Variants in PITPNM2 observed in about 807,000 individuals in gnomAD.
PITPNM2 encodes the protein phosphatidylinositol transfer protein membrane associated 2.
Under a neutral mutation model 132.2 loss-of-function variants are expected in PITPNM2, and 35 were observed. That is an observed-to-expected ratio of 0.26 (90% CI 0.20 to 0.35). PITPNM2 has a LOEUF of 0.35. Among genes scored for constraint, PITPNM2 ranks in the 10% least tolerant of loss-of-function variants. PITPNM2 has a pLI of 1.00. For missense variants in PITPNM2, 1,332 were observed against 1,912.0 expected (o/e 0.70, Z 5.66); for synonymous variants, 738 against 799.2 (o/e 0.92, Z 1.29).
intron 2 of PITPNM2, among the ~76,000 whole-genome samples, chr12:123,075,141 T>C (rs2041744734): frequency 6.8e-6 from 1 of 146,390 alleles, no homozygotes; most frequent in Non-Finnish European, 1.5e-5. Flanking sequence ...AGGCTGTGTG[T>C]GTGTATCTGC....
chr12:123,001,427 C>T (rs1321786029), intron 8 of PITPNM2, among the ~76,000 whole-genome samples: 4 of 152,392 alleles, frequency 2.6e-5, no homozygotes, highest in East Asian at 1.9e-4. Flanking sequence ...CATCTCACCT[C>T]CCTAAATGGG....
intron 2 of PITPNM2, among the ~76,000 whole-genome samples, chr12:123,080,859 A>G (rs2041940431): frequency 6.6e-6 from 1 of 152,192 alleles, no homozygotes; most frequent in Non-Finnish European, 1.5e-5. Flanking sequence ...GCGCCACCCA[A>G]TAGAACTTTC....
rs2137189707 is a variant in PITPNM2 at position 123,097,891 on chromosome 12, G to A, written c.-96+12494C>T. Among the ~76,000 whole-genome samples, 1 of 152,334 alleles carries A rather than the reference G, an allele frequency of 6.6e-6. No homozygotes were observed. Among genetic ancestry groups the A allele is most frequent in the East Asian group, 1.9e-4 (1 of 5,188 alleles). On this transcript the variant is annotated intron_variant, in intron 2 of 25. Transcript: ENST00000320201. This position sits in a 1 kb window ranked among gnomAD's most constrained non-coding sequence, Gnocchi z 4.7. The stretch of plus-strand genomic sequence containing the variant: ...CTCGGAAAGCGGCTGCAGCCAGATG[G>A]GAACAACATAATCCTCCTTTCTCTG...
Position 123,078,771 on chromosome 12 carries a change from G to C in PITPNM2, c.-96+31614C>G, listed in dbSNP as rs1360389528. Among the ~76,000 whole-genome samples, 1 of 152,194 alleles carries C rather than the reference G, an allele frequency of 6.6e-6. No homozygotes were observed. The highest frequency in any genetic ancestry group is 1.5e-5 in the Non-Finnish European group (1 of 68,006). On this transcript the variant is annotated intron_variant, in intron 2 of 25. Transcript: ENST00000320201. This position sits in a 1 kb window ranked among gnomAD's most constrained non-coding sequence, Gnocchi z 7.3. ...ACTGGCAGGTGGATGGGGACTCCCA[G>C]GCTCCCCACGCTGGGTGGCATCTCC...
rs964485132 is a variant in PITPNM2 at position 123,097,785 on chromosome 12, CG to C, written c.-96+12599del. 2.0e-5 allele frequency among the ~76,000 whole-genome samples: 3 copies of C among 152,222 alleles called. No homozygotes were observed. Among genetic ancestry groups the C allele is most frequent in the African/African-American group, 4.8e-5 (2 of 41,452 alleles). ...CTTGAAGACATTCACGTGAAGATGACGGGCAGGTCCCCAGCTCCTGGGCTGA... is the reference window on the plus strand; with the variant it reads ...CTTGAAGACATTCACGTGAAGATGACGGCAGGTCCCCAGCTCCTGGGCTGA... On this transcript the variant is annotated intron_variant, in intron 2 of 25. Coordinates refer to ENST00000320201, the MANE Select transcript of PITPNM2 (RefSeq NM_020845.3). The surrounding 1 kb of genome is among the most constrained non-coding windows in gnomAD (Gnocchi z 4.7).
In PITPNM2 at chr12:123,064,841, T is replaced by C. The variant is rs1456545545; in HGVS notation, c.-95-30156A>G. Reference sequence around the variant, plus strand: ...GCTCTGGGGCCAGACCACGTTCACATTCAAGCCTTGTCTTTGAGCAAGTCC... The same window carrying C: ...GCTCTGGGGCCAGACCACGTTCACACTCAAGCCTTGTCTTTGAGCAAGTCC... On this transcript the variant is annotated intron_variant, in intron 2 of 25. Transcript: ENST00000320201. This position sits in a 1 kb window ranked among gnomAD's most constrained non-coding sequence, Gnocchi z 4.0. 6.6e-6 allele frequency among the ~76,000 whole-genome samples: 1 copy of C among 152,232 alleles called. No individual in the cohort carries two copies. Among genetic ancestry groups the C allele is most frequent in the Non-Finnish European group, 1.5e-5 (1 of 68,034 alleles).
At chr12:123,006,656 C>T (rs1488293601) in intron 6 of PITPNM2, among the ~76,000 whole-genome samples, 1 of 150,298 alleles carries the variant, frequency 6.7e-6, no homozygotes, top group African/African-American at 2.4e-5. Context: ...AAGGCTGCAG[C>T]GAGCCATGAT....
chr12:123,012,809 C>A, intron 4 of PITPNM2, 75 bp from the exon 5 acceptor site: 1 of 1,573,234 alleles, frequency 6.4e-7, no homozygotes, highest in Non-Finnish European at 8.7e-7. Context: ...CCTGTTGACC[C>A]ACTGGGTAGG....
chr12:123,096,533 C>A (rs2042415081), intron 2 of PITPNM2, among the ~76,000 whole-genome samples: 2 of 151,566 alleles, frequency 1.3e-5, no homozygotes, highest in Admixed American at 6.6e-5. Context: ...GGGAGGGGGG[C>A]GAGGAATGAG....
intron 3 of PITPNM2, among the ~76,000 whole-genome samples, chr12:123,020,549 G>T (rs1361253204): frequency 6.6e-6 from 1 of 152,210 alleles, no homozygotes; most frequent in Non-Finnish European, 1.5e-5. Flanking sequence ...CCTGGCATGG[G>T]CAGCTGCCCA....
Position 122,992,103 on chromosome 12 carries a change from C to A in PITPNM2, c.2404+396G>T, listed in dbSNP as rs929461281. 1.3e-5 allele frequency among the ~76,000 whole-genome samples: 2 copies of A among 152,090 alleles called. No individual in the cohort carries two copies. Among genetic ancestry groups the A allele is most frequent in the East Asian group, 3.9e-4 (2 of 5,186 alleles). Reference sequence around the variant, plus strand: ...TCCTGCACCCTATCTCGGGGCCAGCCGCCTGCCATGATGGGACCCAGCCGA... The same window carrying A: ...TCCTGCACCCTATCTCGGGGCCAGCAGCCTGCCATGATGGGACCCAGCCGA... On this transcript the variant is annotated intron_variant, in intron 16 of 25. Transcript: ENST00000320201. This position sits in a 1 kb window ranked among gnomAD's most constrained non-coding sequence, Gnocchi z 6.5.
rs1437181818 is a variant in PITPNM2, at chr12:123,151,064, G to A, written c.-511C>T. On this transcript the variant is annotated 5_prime_UTR_variant, in exon 1 of 26. Coordinates refer to ENST00000320201, the MANE Select transcript of PITPNM2 (RefSeq NM_020845.3). Reference sequence around the variant, plus strand: ...CAGCTCTACGCCGCGGCGCCGCGGTGCCCCGCGCACCCCAGCGGCCGCTGC... The same window carrying A: ...CAGCTCTACGCCGCGGCGCCGCGGTACCCCGCGCACCCCAGCGGCCGCTGC... Among the ~76,000 whole-genome samples the A allele has an allele frequency of 6.9e-6, 1 of 145,770 alleles. No homozygotes were observed. Among genetic ancestry groups the A allele is most frequent in the Non-Finnish European group, 1.5e-5 (1 of 65,596 alleles).
At chr12:123,149,544 T>C (rs2043685275) in intron 1 of PITPNM2, among the ~76,000 whole-genome samples, 1 of 152,166 alleles carries the variant, frequency 6.6e-6, no homozygotes, top group Non-Finnish European at 1.5e-5. Context: ...ACGGAGACAC[T>C]GACTCCACGC....
In PITPNM2 at chr12:123,077,640, T is replaced by C. The variant is rs1467094045; in HGVS notation, c.-96+32745A>G. Among the ~76,000 whole-genome samples, 3 of 152,176 alleles carry C rather than the reference T, an allele frequency of 2.0e-5. No homozygotes were observed. Among genetic ancestry groups the C allele is most frequent in the Non-Finnish European group, 4.4e-5 (3 of 68,026 alleles). ...AAACTCTGCTGTGCCCCCTCTGAGT[T>C]CTGAGCATGCCAGGTGAGGCCTCTC... On this transcript the variant is annotated intron_variant, in intron 2 of 25. Coordinates refer to ENST00000320201, the MANE Select transcript of PITPNM2 (RefSeq NM_020845.3). The surrounding 1 kb of genome is among the most constrained non-coding windows in gnomAD (Gnocchi z 4.8).
intron 2 of PITPNM2, among the ~76,000 whole-genome samples, chr12:123,069,777 G>A (rs1487716900): frequency 6.6e-6 from 1 of 152,216 alleles, no homozygotes; most frequent in East Asian, 1.9e-4. Context: ...CTTAATAAAG[G>A]TAGGTACCCA....
At chr12:123,148,108 C>G (rs1410232424) in intron 1 of PITPNM2, among the ~76,000 whole-genome samples, 2 of 152,108 alleles carry the variant, frequency 1.3e-5, no homozygotes, top group East Asian at 3.8e-4. Context: ...TTTGCCATGG[C>G]TCTATTTGAT....
intron 2 of PITPNM2, among the ~76,000 whole-genome samples, chr12:123,051,181 C>G (rs1057211296): frequency 3.3e-5 from 5 of 152,198 alleles, no homozygotes; most frequent in African/African-American, 9.7e-5. Flanking sequence ...ACCCCTCTTG[C>G]AGGAGGAAAT....
intron 2 of PITPNM2, among the ~76,000 whole-genome samples, chr12:123,061,087 C>G (rs944548278): frequency 2.0e-5 from 3 of 152,074 alleles, no homozygotes; most frequent in Non-Finnish European, 4.4e-5. Flanking sequence ...CATCCATCCA[C>G]CCATGCATCC....
rs2038854014 is a variant in PITPNM2 at position 123,004,828 on chromosome 12, G to A, written c.953-339C>T. ...GACCAAGAGCAAACTCCTGAAATTT[G>A]GCCACAGCAGGGCCCAGGCGGGAGA... On this transcript the variant is annotated intron_variant, in intron 7 of 25. Coordinates refer to ENST00000320201, the MANE Select transcript of PITPNM2 (RefSeq NM_020845.3). The surrounding 1 kb of genome is among the most constrained non-coding windows in gnomAD (Gnocchi z 4.9). Among the ~76,000 whole-genome samples, 1 of 152,222 alleles carries A rather than the reference G, an allele frequency of 6.6e-6. No homozygotes were observed.
Sources: gnomAD v4.1 joint callset for allele counts (sites outside exome capture counted in the v4.1 genomes callset) on GRCh38, gnomAD v4.1.1 for gene constraint, Gnocchi (gnomAD v3.1) non-coding constraint, MANE v1.5 for transcripts, NCBI Gene and HGNC (gene_info 2026-07-23, HGNC 2026-07-21) for gene names.